ACACB: variants seen among roughly 807,000 people sequenced by gnomAD.
The protein encoded by ACACB is acetyl-CoA carboxylase beta.
Under a neutral mutation model 278.8 loss-of-function variants are expected in ACACB, and 209 were observed. That is an observed-to-expected ratio of 0.75 (90% CI 0.67 to 0.84). ACACB has a LOEUF of 0.84. ACACB is among the 40% of genes least tolerant of loss of function. The pLI is 0.00. For synonymous variants in ACACB, 1,174 were observed against 1,285.6 expected, an observed-to-expected ratio of 0.91 and a Z score of 1.86; for missense variants, 2,850 against 3,269.0, an observed-to-expected ratio of 0.87 and a Z score of 3.13.
chr12:109,210,449 A>G (rs199620873), intron 21 of ACACB, among the ~76,000 whole-genome samples: 3 of 100,900 alleles, frequency 3.0e-5, no homozygotes, highest in Non-Finnish European at 4.8e-5. Flanking sequence ...ATACATGTGT[A>G]TATATGTATA....
Position 109,235,415 on chromosome 12 carries a change from C to T in ACACB, c.4404+46C>T, listed in dbSNP as rs200761195. 6.7e-4 allele frequency: 1,044 copies of T among 1,568,196 alleles called. 1 individual carries two copies. Among genetic ancestry groups the T allele is most frequent in the Non-Finnish European group, 5.4e-4 (617 of 1,138,458 alleles). ...TATGAGTCTTTCCCATTCTCCAAGC[C>T]TTGGTGTGTGCCATTTATTTGATAT... On this transcript the variant is annotated intron_variant, in intron 32 of 52. Coordinates refer to ENST00000338432, the MANE Select transcript of ACACB (RefSeq NM_001093.4).
At chr12:109,219,664 A>G (rs893790259) in intron 24 of ACACB, among the ~76,000 whole-genome samples, 11 of 152,184 alleles carry the variant, frequency 7.2e-5, no homozygotes, top group Admixed American at 7.2e-4. Context: ...AAAAAGAGAG[A>G]GTGTGTATGT....
intron 27 of ACACB, among the ~76,000 whole-genome samples, chr12:109,226,234 G>A (rs1182548788): frequency 6.6e-6 from 1 of 152,170 alleles, no homozygotes; most frequent in Non-Finnish European, 1.5e-5. Context: ...TCTCACCACT[G>A]TACTCCAGCC....
chr12:109,210,282 CAT>C (rs767302850), intron 21 of ACACB, among the ~76,000 whole-genome samples: 5 of 14,862 alleles, frequency 3.4e-4, no homozygotes, highest in Non-Finnish European at 7.6e-4. Context: ...TATACACACA[CAT>C]ATCTGTGTGT....
intron 36 of ACACB, chr12:109,242,118 G>T: frequency 4.7e-6 from 1 of 214,484 alleles, no homozygotes; most frequent in Non-Finnish European, 9.2e-6. Context: ...AATTGACATT[G>T]GCACAGGACT....
At chr12:109,155,160 G>C (rs1042567162) in intron 2 of ACACB, among the ~76,000 whole-genome samples, 2 of 152,148 alleles carry the variant, frequency 1.3e-5, no homozygotes, top group South Asian at 2.1e-4. Flanking sequence ...GGACGTTGGG[G>C]GTGACGTTGC....
intron 28 of ACACB, among the ~76,000 whole-genome samples, chr12:109,229,513 G>A (rs748309045): frequency 3.3e-5 from 5 of 151,988 alleles, no homozygotes; most frequent in Non-Finnish European, 5.9e-5. Context: ...TACCCTCAGT[G>A]TTCTCACCTG....
At chr12:109,213,481 A>G (rs1358553946) in intron 22 of ACACB, among the ~76,000 whole-genome samples, 1 of 152,226 alleles carries the variant, frequency 6.6e-6, no homozygotes, top group Non-Finnish European at 1.5e-5. Context: ...AAAAATTGTT[A>G]TTGTGGCTTT....
In ACACB at chr12:109,266,215, C is replaced by T. The variant is rs374937098; in HGVS notation, c.7251-21C>T. 22 of 1,609,228 alleles carry T rather than the reference C, an allele frequency of 1.4e-5. 1 individual carries two copies. The African/African-American group carries it at 2.4e-4, about 18-fold the overall frequency. On this transcript the variant is annotated intron_variant, in intron 52 of 52. Coordinates refer to ENST00000338432, the MANE Select transcript of ACACB (RefSeq NM_001093.4). Reference sequence around the variant, plus strand: ...AAAAGTGGCTGGAGTGATCCCAGCCCTCCTCTCACCTCCCCCACAGCCTGG... The same window carrying T: ...AAAAGTGGCTGGAGTGATCCCAGCCTTCCTCTCACCTCCCCCACAGCCTGG...
chr12:109,166,961 A>C lies in ACACB; in HGVS notation c.754A>C (p.Thr252Pro). The C allele has an allele frequency of 6.2e-7, 1 of 1,613,876 alleles. No homozygotes were observed. Among genetic ancestry groups the C allele is most frequent in the Middle Eastern group, 1.6e-4 (1 of 6,062 alleles). ...CGTGGCTTCTCCCGCTGAGTTTGTC[A>C]CACGCTTTGGGGGGGATCGGGTCAT... ...FTVASPAEFV[T>P]RFGGDRVIEK... The change falls in exon 3 of 53, where the codon ACA (threonine) becomes CCA (proline). Residue 252 changes from threonine to proline, a missense_variant. Around this residue, in one of 3 missense-constraint regions of ACACB, gnomAD observed 2,265 missense variants for 2,561.3 expected, o/e 0.88. Coordinates refer to ENST00000338432, the MANE Select transcript of ACACB (RefSeq NM_001093.4).
At chr12:109,113,453 T>C (rs2042346735), upstream of ACACB, 1 of 152,226 alleles carries the variant, frequency 6.6e-6, no homozygotes, top group South Asian at 2.1e-4. Flanking sequence ...TTGGAATTGG[T>C]AACACAAGGA....
rs751366693 is a variant in ACACB at position 109,258,271 on chromosome 12, TG to T, written c.6273del (p.Ile2092PhefsTer5). On this transcript the variant is annotated frameshift_variant, in exon 46 of 53. Coordinates refer to ENST00000338432, the MANE Select transcript of ACACB (RefSeq NM_001093.4). LOFTEE classifies it high-confidence loss of function. Reference protein sequence around the residue: ...QTVVTGRARLGGIPVGVIAVE... With the variant: ...QTVVTGRARLXGIPVGVIAVE... The stretch of plus-strand genomic sequence containing the variant: ...CTCACTGGTGCTCATTTTCCAGGCT[TG>T]GGGGGATTCCCGTGGGAGTGATTGC... The T allele has an allele frequency of 6.2e-7, 1 of 1,611,940 alleles. No homozygotes were observed. The highest frequency in any genetic ancestry group is 1.1e-5 in the South Asian group (1 of 90,198).
At chr12:109,233,181 T>C (rs1260286962) in intron 29 of ACACB, among the ~76,000 whole-genome samples, 2 of 152,186 alleles carry the variant, frequency 1.3e-5, no homozygotes, top group East Asian at 1.9e-4. Flanking sequence ...ACTCACTTCA[T>C]AGGTGCGCCA....
chr12:109,203,151 G>T (rs1176955159), intron 19 of ACACB, among the ~76,000 whole-genome samples: 1 of 152,116 alleles, frequency 6.6e-6, no homozygotes, highest in African/African-American at 2.4e-5. Flanking sequence ...TTAGCGTAAC[G>T]TCTCCAAGTT....
chr12:109,157,269 G>GTTATTATTATTA (rs1283542863), intron 2 of ACACB, among the ~76,000 whole-genome samples: 7 of 39,746 alleles, frequency 1.8e-4, no homozygotes, highest in South Asian at 1.7e-3. Context: ...CCTTTCTAGA[G>GTTATTATTATTA]TTGTTATTAT....
rs560534106 is a variant in ACACB at position 109,229,775 on chromosome 12, T to C, written c.4001+2286T>C. On this transcript the variant is annotated intron_variant, in intron 28 of 52. Coordinates refer to ENST00000338432, the MANE Select transcript of ACACB (RefSeq NM_001093.4). ...CTGGAACTCCTAACCTCAAATGATC[T>C]GTCCACCTCAGCCTCCCAAAGTGAT... 2.0e-5 allele frequency among the ~76,000 whole-genome samples: 3 copies of C among 152,136 alleles called. No homozygotes were observed. In the East Asian group the frequency reaches 5.8e-4, roughly 29 times the overall value.
intron 1 of ACACB, among the ~76,000 whole-genome samples, chr12:109,130,455 C>T (rs566704143): frequency 7.2e-5 from 11 of 152,280 alleles, no homozygotes; most frequent in South Asian, 2.1e-4. Flanking sequence ...CTCAATATAG[C>T]GGAAGAACTG....
chr12:109,237,139 G>T, intron 33 of ACACB, 26 bp from the exon 34 acceptor site: 1 of 1,612,788 alleles, frequency 6.2e-7, no homozygotes, highest in Non-Finnish European at 8.5e-7. Flanking sequence ...GTATGTGTCT[G>T]TCTTCTCTCT....
rs201982967 is a variant in ACACB, at chr12:109,264,338, C to T, written c.6894C>T (p.Ala2298=). ...PIYHQVAVQF[A]DFHDTPGRML... ...ACCACCAGGTGGCGGTGCAGTTCGCCGACTTCCATGACACACCCGGCCGGA... is the reference window on the plus strand; with the variant it reads ...ACCACCAGGTGGCGGTGCAGTTCGCTGACTTCCATGACACACCCGGCCGGA... The change falls in exon 50 of 53, where the codon GCC becomes GCT. Residue 2298 remains alanine, a synonymous_variant. Coordinates refer to ENST00000338432, the MANE Select transcript of ACACB (RefSeq NM_001093.4). 21 of 1,613,964 alleles carry T rather than the reference C, an allele frequency of 1.3e-5. No homozygotes were observed. Among genetic ancestry groups the T allele is most frequent in the East Asian group, 2.2e-5 (1 of 44,876 alleles).
Sources: allele counts gnomAD v4.1 joint callset (sites outside exome capture counted in the v4.1 genomes callset), GRCh38; gene constraint gnomAD v4.1.1; regional missense constraint gnomAD v4.1.1; transcripts MANE v1.5; gene names NCBI Gene and HGNC (gene_info 2026-07-23, HGNC 2026-07-21).